The following FRAS1 variants were observed in gnomAD, a reference collection of about 807,000 sequenced individuals.
The protein encoded by FRAS1 is Fraser extracellular matrix complex subunit 1.
Under a neutral mutation model 435.2 loss-of-function variants are expected in FRAS1, and 290 were observed. That is an observed-to-expected ratio of 0.67 (90% confidence interval 0.61 to 0.73). The LOEUF is 0.73. FRAS1 is among the 30% of genes least tolerant of loss of function. The probability of loss-of-function intolerance (pLI) is 0.00; values close to 1 mark genes in which losing one functional copy is unlikely to be tolerated. For missense variants in FRAS1, 4,860 were observed against 5,001.5 expected (o/e 0.97, Z 0.85); for synonymous variants, 1,800 against 1,851.0 (o/e 0.97, Z 0.71).
intron 9 of FRAS1, among the ~76,000 whole-genome samples, chr4:78,270,866 C>T (rs756658499): frequency 6.6e-6 from 1 of 152,140 alleles, no homozygotes; most frequent in Non-Finnish European, 1.5e-5. Context: ...ATAGTACCCA[C>T]TGCTGCCTAT....
At chr4:78,538,528 G>A (rs992071277) in intron 72 of FRAS1, among the ~76,000 whole-genome samples, 3 of 152,208 alleles carry the variant, frequency 2.0e-5, no homozygotes, top group African/African-American at 7.2e-5. Context: ...ATAAAGGAAA[G>A]AGGTTTCATT....
chr4:78,197,075 T>TA (rs1722846387), intron 2 of FRAS1, among the ~76,000 whole-genome samples: 2 of 152,326 alleles, frequency 1.3e-5, no homozygotes, highest in Admixed American at 1.3e-4. Flanking sequence ...TAAACATTTG[T>TA]AAAAATTCCT....
At chr4:78,069,841 T>C (rs1740246447) in intron 2 of FRAS1, among the ~76,000 whole-genome samples, 1 of 151,694 alleles carries the variant, frequency 6.6e-6, no homozygotes, top group Non-Finnish European at 1.5e-5. Flanking sequence ...GCTCAGGAAG[T>C]AGTCAATTGT....
At chr4:78,171,667 G>A (rs1721567014) in intron 2 of FRAS1, among the ~76,000 whole-genome samples, 1 of 152,106 alleles carries the variant, frequency 6.6e-6, no homozygotes, top group South Asian at 2.1e-4. Flanking sequence ...TCTTTGCCTA[G>A]CCTGTGAGTG....
intron 2 of FRAS1, among the ~76,000 whole-genome samples, chr4:78,100,256 C>T (rs1279544388): frequency 6.6e-6 from 1 of 152,238 alleles, no homozygotes; most frequent in Non-Finnish European, 1.5e-5. Flanking sequence ...TCTGCATCTG[C>T]ACTTTCCCAT....
intron 29 of FRAS1, among the ~76,000 whole-genome samples, chr4:78,396,769 C>T (rs571222438): frequency 1.3e-5 from 2 of 152,186 alleles, no homozygotes; most frequent in East Asian, 1.9e-4. Context: ...CTTTTGAGTT[C>T]GTGGATTCAT....
Position 78,337,678 on chromosome 4 carries a change from T to C in FRAS1, c.2283T>C (p.Cys761=), listed in dbSNP as rs766957016. Residue 761 remains cysteine (C), a synonymous_variant, in exon 20 of 74, where the codon TGT becomes TGC. Coordinates refer to ENST00000512123, the MANE Select transcript of FRAS1 (RefSeq NM_025074.7). ...YFHQEGSCTE[C]HPTCRQCHGP... is the part of the protein sequence containing the mutation. ...TGGTTTTCGTCCCCCTGCCAGAGTG[T>C]CACCCAACCTGCAGGCAGTGTCATG... 6.2e-7 allele frequency: 1 copy of C among 1,612,138 alleles called. No individual in the cohort carries two copies. Among genetic ancestry groups the C allele is most frequent in the Non-Finnish European group, 8.5e-7 (1 of 1,178,364 alleles).
chr4:78,365,170 T>TATTA (rs1168620107), intron 22 of FRAS1, among the ~76,000 whole-genome samples: 1 of 152,218 alleles, frequency 6.6e-6, no homozygotes, highest in Non-Finnish European at 1.5e-5. Context: ...GGAAGATAGA[T>TATTA]ATTACTGTTA....
chr4:78,477,079 G>A (rs1719874383), intron 54 of FRAS1, among the ~76,000 whole-genome samples: 1 of 151,908 alleles, frequency 6.6e-6, no homozygotes, highest in South Asian at 2.1e-4. Context: ...TTTTGTACTG[G>A]GCTAAATTGA....
chr4:78,181,823 T>C (rs1020493045), intron 2 of FRAS1: 3 of 1,611,986 alleles, frequency 1.9e-6, no homozygotes, highest in African/African-American at 2.7e-5. Flanking sequence ...GCGGTCTTTC[T>C]GGGACTCCTT....
intron 41 of FRAS1, among the ~76,000 whole-genome samples, 189 bp from the exon 42 acceptor site, chr4:78,445,333 T>C (rs1265539573): frequency 6.6e-6 from 1 of 152,200 alleles, no homozygotes; most frequent in Non-Finnish European, 1.5e-5. Flanking sequence ...AGATGAGAAA[T>C]AGTCAGTGAG....
intron 2 of FRAS1, among the ~76,000 whole-genome samples, chr4:78,172,938 T>C (rs1031544874): frequency 4.0e-5 from 6 of 151,848 alleles, no homozygotes; most frequent in Non-Finnish European, 7.4e-5. Context: ...ATGATAAAAA[T>C]AGTGCCCTTG....
intron 2 of FRAS1, among the ~76,000 whole-genome samples, chr4:78,167,463 C>T (rs1265592176): frequency 6.6e-6 from 1 of 151,862 alleles, no homozygotes; most frequent in African/African-American, 2.4e-5. Flanking sequence ...GGTAGGTGAG[C>T]AATCCAGGAT....
chr4:78,291,106 A>G (rs746649669), intron 14 of FRAS1, among the ~76,000 whole-genome samples: 5 of 152,138 alleles, frequency 3.3e-5, no homozygotes, highest in African/African-American at 1.2e-4. Flanking sequence ...TCACTTACCT[A>G]TTCTTTAACT....
chr4:78,528,725 T>C (rs967116086), intron 70 of FRAS1, among the ~76,000 whole-genome samples: 4 of 152,222 alleles, frequency 2.6e-5, no homozygotes, highest in Admixed American at 6.5e-5. Flanking sequence ...AACCTACATG[T>C]ACGAGCTTTA....
Position 78,429,211 on chromosome 4 carries a change from GGCA to G in FRAS1, c.4832_4834del (p.Ser1611del), listed in dbSNP as rs1166156873. The G allele has an allele frequency of 5.0e-6, 8 of 1,607,754 alleles. No individual in the cohort carries two copies. In the Middle Eastern group the frequency reaches 5.0e-4, roughly 100 times the overall value. On this transcript the variant is annotated inframe_deletion, in exon 36 of 74. Coordinates refer to ENST00000512123, the MANE Select transcript of FRAS1 (RefSeq NM_025074.7). ...TCCACGGCTGGCGGTCAGCCCAGGA[GGCA>G]GCACTTCTGTAGGTAAGAACTGGGA...
At chr4:78,528,912 G>A (rs758079402) in intron 70 of FRAS1, among the ~76,000 whole-genome samples, 15 of 152,036 alleles carry the variant, frequency 9.9e-5, no homozygotes, top group East Asian at 1.9e-4. Context: ...TCCCTTTCCC[G>A]TGCATTCTGC....
chr4:78,388,639 G>GT (rs5859620), intron 29 of FRAS1, among the ~76,000 whole-genome samples: 145 of 144,844 alleles, frequency 1.0e-3, no homozygotes, highest in Middle Eastern at 3.7e-3. Flanking sequence ...CTCTACTAAA[G>GT]TTTTTTTTTT....
rs182375530 is a variant in FRAS1, at chr4:78,400,786, G to C, written c.4028G>C (p.Gly1343Ala). The C allele has an allele frequency of 6.8e-6, 11 of 1,613,530 alleles. 1 individual carries two copies. In the Admixed American group the frequency reaches 1.5e-4, roughly 22 times the overall value. ...VANSMVWVPEGGMLQITNRIL... is the reference protein window; with the variant it reads ...VANSMVWVPEAGMLQITNRIL... ...AATTCGATGGTGTGGGTTCCAGAAG[G>C]GGGGATGCTGCAGATCACCAACAGA... Residue 1343 changes from glycine (G) to alanine (A), a missense_variant, in exon 30 of 74, where the codon GGG (glycine) becomes GCG (alanine). Coordinates refer to ENST00000512123, the MANE Select transcript of FRAS1 (RefSeq NM_025074.7).
Sources: allele counts gnomAD v4.1 joint callset (sites outside exome capture counted in the v4.1 genomes callset), GRCh38; gene constraint gnomAD v4.1.1; transcripts MANE v1.5; gene names NCBI Gene and HGNC (gene_info 2026-07-23, HGNC 2026-07-21).